Variants in PDE10A observed in about 807,000 individuals in gnomAD.
The protein encoded by PDE10A is phosphodiesterase 10A.
Under a neutral mutation model 97.7 loss-of-function variants are expected in PDE10A, and 39 were observed. The observed-to-expected ratio is 0.40, with a 90% CI of 0.31 to 0.52. PDE10A has a LOEUF of 0.52. PDE10A is among the 20% of genes least tolerant of loss of function. The pLI is 0.56. For synonymous variants in PDE10A, 371 were observed against 376.8 expected (o/e 0.98, Z 0.18); for missense variants, 731 against 1,047.8 (o/e 0.70, Z 4.17).
intron 1 of PDE10A, among the ~76,000 whole-genome samples, chr6:165,635,572 A>G (rs9459466): frequency 6.6e-6 from 1 of 152,206 alleles, no homozygotes; most frequent in Non-Finnish European, 1.5e-5. Context: ...ACTTTAGAGT[A>G]TATCTACTTT....
intron 3 of PDE10A, among the ~76,000 whole-genome samples, chr6:165,462,452 T>C (rs1583330235): frequency 6.6e-6 from 1 of 152,112 alleles, no homozygotes; most frequent in South Asian, 2.1e-4. Flanking sequence ...GTAAAATAAC[T>C]TGGGGTAAAG....
intron 1 of PDE10A, among the ~76,000 whole-genome samples, chr6:165,969,856 A>G (rs1784618220): frequency 6.6e-6 from 1 of 152,236 alleles, no homozygotes; most frequent in African/African-American, 2.4e-5. Context: ...ACTCATGTAA[A>G]TCAGCAAGTG....
intron 18 of PDE10A, among the ~76,000 whole-genome samples, chr6:165,348,543 A>G (rs1782468220): frequency 6.6e-6 from 1 of 152,204 alleles, no homozygotes; most frequent in African/African-American, 2.4e-5. Context: ...GTAGTCAGGA[A>G]AAGTGCTTTG....
chr6:165,958,999 G>A (rs1167613060), intron 1 of PDE10A, among the ~76,000 whole-genome samples: 2 of 152,206 alleles, frequency 1.3e-5, no homozygotes. Flanking sequence ...AAGGCAGAAA[G>A]TGCACAGCTT....
At chr6:165,359,229 C>A (rs890115749) in intron 18 of PDE10A, among the ~76,000 whole-genome samples, 2 of 152,126 alleles carry the variant, frequency 1.3e-5, no homozygotes, top group Non-Finnish European at 2.9e-5. Flanking sequence ...ACTGAGTTTT[C>A]ATCTGGTAAT....
chr6:165,943,203 GAAA>G (rs1783604189), intron 1 of PDE10A, among the ~76,000 whole-genome samples: 1 of 53,340 alleles, frequency 1.9e-5, no homozygotes, highest in Non-Finnish European at 3.7e-5. Flanking sequence ...AAGAAAGAAA[GAAA>G]GAAAGAAAGA....
chr6:165,625,047 A>G (rs1788316407), intron 1 of PDE10A, among the ~76,000 whole-genome samples: 1 of 152,218 alleles, frequency 6.6e-6, no homozygotes. Flanking sequence ...CTCAAAGTGC[A>G]TGGAGAACAA....
chr6:165,400,375 A>G (rs1786548085), intron 13 of PDE10A, among the ~76,000 whole-genome samples: 1 of 152,210 alleles, frequency 6.6e-6, no homozygotes. Flanking sequence ...TGCTCTTAGA[A>G]AGAAACCATT....
At chr6:165,490,905 A>C (rs1780190194) in intron 2 of PDE10A, among the ~76,000 whole-genome samples, 1 of 152,184 alleles carries the variant, frequency 6.6e-6, no homozygotes, top group African/African-American at 2.4e-5. Context: ...CAGTGAGCCA[A>C]GATCACACCA....
chr6:165,661,931 G>A lies in PDE10A; in HGVS notation c.865+16C>T. On this transcript the variant is annotated intron_variant, in intron 1 of 21. Coordinates refer to ENST00000539869, the MANE Select transcript of PDE10A (RefSeq NM_001385079.1). The surrounding 1 kb of genome is among the most constrained non-coding windows in gnomAD (Gnocchi z 4.8). Reference sequence around the variant, plus strand: ...GAGCCGCCCCACCTCCGGGGAACGGGGAGCAGGCCACTTACTGGGGCTCAG... The same window carrying A: ...GAGCCGCCCCACCTCCGGGGAACGGAGAGCAGGCCACTTACTGGGGCTCAG... The A allele has an allele frequency of 2.2e-6, 2 of 902,804 alleles. No homozygotes were observed. The highest frequency in any genetic ancestry group is 3.6e-6 in the Non-Finnish European group (2 of 562,802). 55.9% of individuals were successfully genotyped at this position (902,804 alleles called of 1,614,324 possible).
At chr6:165,827,890 G>C (rs911831039) in intron 1 of PDE10A, among the ~76,000 whole-genome samples, 1 of 151,838 alleles carries the variant, frequency 6.6e-6, no homozygotes. Flanking sequence ...CCACATATAA[G>C]TAAGAACATA....
intron 1 of PDE10A, among the ~76,000 whole-genome samples, chr6:165,847,071 C>T (rs576234506): frequency 2.6e-5 from 4 of 152,204 alleles, no homozygotes; most frequent in Non-Finnish European, 4.4e-5. Flanking sequence ...AACACCAGTG[C>T]CCCTTGTTTT....
chr6:165,395,316 G>T, intron 14 of PDE10A, 52 bp from the exon 15 acceptor site: 1 of 1,229,918 alleles, frequency 8.1e-7, no homozygotes, highest in Non-Finnish European at 1.2e-6. Flanking sequence ...AATAAACACA[G>T]TAAGTAAAGA....
At chr6:165,737,086 G>C (rs991766752) in intron 1 of PDE10A, among the ~76,000 whole-genome samples, 3 of 152,138 alleles carry the variant, frequency 2.0e-5, no homozygotes, top group Admixed American at 2.0e-4. Context: ...ACTTGTCAAG[G>C]CTGAATCATG....
At chr6:165,381,481 T>C (rs904832105) in intron 17 of PDE10A, among the ~76,000 whole-genome samples, 1 of 152,070 alleles carries the variant, frequency 6.6e-6, no homozygotes, top group Non-Finnish European at 1.5e-5. Flanking sequence ...AATATCTCCC[T>C]TTTCTTTCTT....
intron 1 of PDE10A, among the ~76,000 whole-genome samples, chr6:165,757,471 A>G (rs1382642016): frequency 6.6e-6 from 1 of 152,130 alleles, no homozygotes; most frequent in Non-Finnish European, 1.5e-5. Context: ...CCGACTTTAT[A>G]AAATAATTCT....
chr6:165,672,619 T>C (rs62424894), intron 1 of PDE10A, among the ~76,000 whole-genome samples: 2,275 of 152,288 alleles, frequency 0.015, 28 homozygotes, highest in South Asian at 0.051. Context: ...CCCATACTGT[T>C]CTCATGGTAG....
In PDE10A at chr6:165,956,717, C is replaced by T. The variant is rs534668653; in HGVS notation, c.-615+30812G>A. On this transcript the variant is annotated intron_variant, in intron 1 of 19. Transcript: ENST00000366882. ...ATTAATACAAGGAGCTGGTGAGCTG[C>T]GGGATTTCTCTCTGACATGTCTCTG... 1.4e-3 allele frequency among the ~76,000 whole-genome samples: 218 copies of T among 152,246 alleles called. 1 individual carries two copies. Among genetic ancestry groups the T allele is most frequent in the Non-Finnish European group, 2.6e-3 (178 of 68,006 alleles).
intron 1 of PDE10A, among the ~76,000 whole-genome samples, chr6:165,933,931 T>C (rs1169073845): frequency 6.6e-6 from 1 of 151,666 alleles, no homozygotes; most frequent in Admixed American, 6.6e-5. Context: ...TGAACATAAA[T>C]TCTGGGACAA....
Sources: gnomAD v4.1 joint callset for allele counts (sites outside exome capture counted in the v4.1 genomes callset) on GRCh38, gnomAD v4.1.1 for gene constraint, Gnocchi (gnomAD v3.1) non-coding constraint, MANE v1.5 for transcripts, NCBI Gene and HGNC (gene_info 2026-07-23, HGNC 2026-07-21) for gene names.